The following SPECC1 variants were observed in gnomAD, a reference collection of about 807,000 sequenced individuals.
SPECC1 encodes the protein sperm antigen with calponin homology and coiled-coil domains 1.
In SPECC1, 62 loss-of-function variants were observed where a neutral mutation model predicts 104.1. That is an observed-to-expected ratio of 0.60 (90% CI 0.49 to 0.74). The LOEUF is 0.74. Among genes scored for constraint, SPECC1 ranks in the 30% least tolerant of loss-of-function variants. The pLI, the probability that SPECC1 is intolerant of heterozygous loss-of-function variation, is 0.00. For synonymous variants in SPECC1, 513 were observed against 501.6 expected (o/e 1.02, Z -0.30); for missense variants, 1,306 against 1,310.5 (o/e 1.00, Z 0.05).
intron 3 of SPECC1, among the ~76,000 whole-genome samples, chr17:20,170,541 T>C (rs1394525721): frequency 2.0e-5 from 3 of 152,192 alleles, no homozygotes; most frequent in Non-Finnish European, 2.9e-5. Context: ...GGTGCAGGTA[T>C]CACTGGGACC....
At chr17:20,188,265 T>G in intron 3 of SPECC1, among the ~76,000 whole-genome samples, 1 of 152,066 alleles carries the variant, frequency 6.6e-6, no homozygotes, top group Admixed American at 6.6e-5. Flanking sequence ...CCTTTTTTTT[T>G]TTTCTTTTTT....
chr17:20,277,364 G>A (rs984863558), intron 12 of SPECC1, among the ~76,000 whole-genome samples: 5 of 152,178 alleles, frequency 3.3e-5, no homozygotes, highest in Middle Eastern at 3.4e-3. Flanking sequence ...TGCTAAGTAG[G>A]GCATATGCTT....
At chr17:20,073,478 G>C (rs1465415145) in intron 1 of SPECC1, 1 of 152,422 alleles carries the variant, frequency 6.6e-6, no homozygotes, top group Non-Finnish European at 1.5e-5. Flanking sequence ...AGAGAAGAGA[G>C]AGAGAGATTG....
intron 2 of SPECC1, 56 bp from the exon 3 acceptor site, chr17:20,110,371 C>T (rs553802962): frequency 1.7e-5 from 26 of 1,548,756 alleles, no homozygotes; most frequent in Middle Eastern, 1.7e-4. Flanking sequence ...TTGTTTATAG[C>T]GCTCCTTCCT....
chr17:20,035,149 G>A (rs1028570598), intron 1 of SPECC1, among the ~76,000 whole-genome samples: 3 of 152,162 alleles, frequency 2.0e-5, no homozygotes, highest in Non-Finnish European at 4.4e-5. Flanking sequence ...TTGATCTATA[G>A]CTGTCCCTCT....
intron 5 of SPECC1, among the ~76,000 whole-genome samples, chr17:20,229,542 C>T (rs1440549747): frequency 2.6e-5 from 4 of 152,112 alleles, no homozygotes; most frequent in South Asian, 2.1e-4. Context: ...CGTGTGGTGG[C>T]GCATGCCTTT....
chr17:20,253,437 C>T (rs1468377857), intron 9 of SPECC1, 68 bp from the exon 10 acceptor site: 2 of 1,506,544 alleles, frequency 1.3e-6, no homozygotes, highest in Non-Finnish European at 1.8e-6. Flanking sequence ...TGCACACACA[C>T]ACATCTGTGT....
At chr17:20,164,388 A>G (rs561304265) in intron 3 of SPECC1, among the ~76,000 whole-genome samples, 11 of 151,826 alleles carry the variant, frequency 7.2e-5, no homozygotes, top group Admixed American at 5.9e-4. Flanking sequence ...GCTAGTCTCC[A>G]GCTCCTGGCC....
At chr17:20,239,242 T>C (rs1329219303) in intron 7 of SPECC1, 4 of 1,015,224 alleles carry the variant, frequency 3.9e-6, no homozygotes, top group Middle Eastern at 4.8e-4. Context: ...TTCTTAATTA[T>C]GAAGTATTAT....
intron 7 of SPECC1, among the ~76,000 whole-genome samples, chr17:20,242,861 A>G (rs1293029389): frequency 1.3e-5 from 2 of 152,252 alleles, no homozygotes; most frequent in Admixed American, 1.3e-4. Context: ...TGTGCTTGGC[A>G]TATACAGTGG....
chr17:20,019,312 A>G (rs2044279306), intron 1 of SPECC1, among the ~76,000 whole-genome samples: 1 of 151,568 alleles, frequency 6.6e-6, no homozygotes, highest in Non-Finnish European at 1.5e-5. Context: ...TTTCTGTAAG[A>G]TTTTCCTCCT....
At chr17:20,285,035 G>C (rs2040894197) in intron 12 of SPECC1, among the ~76,000 whole-genome samples, 1 of 152,202 alleles carries the variant, frequency 6.6e-6, no homozygotes, top group Admixed American at 6.5e-5. Flanking sequence ...ACGGAATCCA[G>C]CTGTGTCCTC....
intron 12 of SPECC1, among the ~76,000 whole-genome samples, chr17:20,289,132 A>G (rs2041067907): frequency 6.6e-6 from 1 of 152,058 alleles, no homozygotes; most frequent in East Asian, 1.9e-4. Context: ...AGAGGACAGA[A>G]GCAAAAGTGG....
At chr17:20,297,868 C>T (rs1317615020) in intron 13 of SPECC1, among the ~76,000 whole-genome samples, 1 of 152,210 alleles carries the variant, frequency 6.6e-6, no homozygotes, top group Non-Finnish European at 1.5e-5. Flanking sequence ...CATAAGAAAA[C>T]AGGCAACAAT....
At chr17:20,271,532 T>C (rs966480170) in intron 12 of SPECC1, among the ~76,000 whole-genome samples, 1 of 152,108 alleles carries the variant, frequency 6.6e-6, no homozygotes, top group Non-Finnish European at 1.5e-5. Context: ...TCTGTTTACT[T>C]AGTTTTGTAT....
At chr17:20,029,060 C>T (rs2044709541) in intron 1 of SPECC1, among the ~76,000 whole-genome samples, 1 of 152,116 alleles carries the variant, frequency 6.6e-6, no homozygotes, top group South Asian at 2.1e-4. Context: ...CCACCCCCAG[C>T]CTCATCTGGG....
chr17:20,236,283 A>G (rs1055316288), intron 7 of SPECC1, among the ~76,000 whole-genome samples: 2 of 152,084 alleles, frequency 1.3e-5, no homozygotes, highest in Non-Finnish European at 2.9e-5. Context: ...GGTCCTCTCA[A>G]TGTGCTCTTA....
rs1011782445 is a variant in SPECC1 at position 20,196,518 on chromosome 17, G to C, written c.284-7815G>C. 2.0e-5 allele frequency among the ~76,000 whole-genome samples: 3 copies of C among 152,050 alleles called. 1 individual carries two copies. Among genetic ancestry groups the C allele is most frequent in the South Asian group, 4.2e-4 (2 of 4,818 alleles). ...TAGGAGGCCTAACAACCTTTGAATT[G>C]TGCAACATTTCTTGCATAAATTTTC... On this transcript the variant is annotated intron_variant, in intron 3 of 14. Coordinates refer to ENST00000395527, the MANE Select transcript of SPECC1 (RefSeq NM_001243439.2).
chr17:20,261,335 T>C (rs897554514), intron 12 of SPECC1, among the ~76,000 whole-genome samples: 1 of 151,918 alleles, frequency 6.6e-6, no homozygotes, highest in African/African-American at 2.4e-5. Context: ...ACCCCATCTC[T>C]ACTAAAAATA....
Sources: gnomAD v4.1 joint callset for allele counts (sites outside exome capture counted in the v4.1 genomes callset) on GRCh38, gnomAD v4.1.1 for gene constraint, MANE v1.5 for transcripts, NCBI Gene and HGNC (gene_info 2026-07-23, HGNC 2026-07-21) for gene names.